G3BP1: variants seen among roughly 807,000 people sequenced by gnomAD.
G3BP1 encodes G3BP stress granule assembly factor 1.
Under a neutral mutation model 58.6 loss-of-function variants are expected in G3BP1, and 35 were observed. The observed-to-expected ratio is 0.60, with a 90% confidence interval of 0.46 to 0.79. The LOEUF (loss-of-function observed/expected upper bound fraction) is 0.79, where lower values mean the gene tolerates loss of function less well. G3BP1 is among the 30% of genes least tolerant of loss of function. G3BP1 has a pLI of 0.00. For synonymous variants in G3BP1, 191 were observed against 195.4 expected (o/e 0.98, Z 0.19); for missense variants, 523 against 580.8 (o/e 0.90, Z 1.02).
chr5:151,782,145 CATTT>C (rs1413628698), intron 1 of G3BP1, among the ~76,000 whole-genome samples: 1 of 152,084 alleles, frequency 6.6e-6, no homozygotes, highest in African/African-American at 2.4e-5. Flanking sequence ...TAATAGCTAA[CATTT>C]ATTTCCTGCT....
At chr5:151,799,465 C>G (rs908751727) in intron 8 of G3BP1, 152 bp downstream of exon 8, 12 of 617,592 alleles carry the variant, frequency 1.9e-5, no homozygotes, top group Non-Finnish European at 3.2e-5. Context: ...GCCAGCTGAT[C>G]ACTGGAGCCT....
intron 6 of G3BP1, among the ~76,000 whole-genome samples, chr5:151,796,518 T>C (rs544437510): frequency 2.0e-5 from 3 of 152,346 alleles, no homozygotes; most frequent in Non-Finnish European, 4.4e-5. Context: ...TCTGCCCACC[T>C]TGGCCTCGCA....
rs761626813 is a variant in G3BP1 at position 151,800,845 on chromosome 5, T to C, written c.1170T>C (p.Pro390=). The C allele has an allele frequency of 1.4e-5, 22 of 1,600,244 alleles. No individual in the cohort carries two copies. In the African/African-American group the frequency reaches 2.9e-4, roughly 21 times the overall value. The part of the protein sequence containing the change: ...FGFVVFDDSE[P]VQKVLSNRPI... ...TTGTTGTGTTTGATGATTCTGAGCC[T>C]GTTCAGAAAGTCCTTAGCAACAGGG... Residue 390 remains proline, a synonymous_variant, in exon 11 of 12, where the codon CCT becomes CCC. Transcript: ENST00000356245.
chr5:151,777,323 A>C (rs188544691), intron 1 of G3BP1, among the ~76,000 whole-genome samples: 2 of 152,378 alleles, frequency 1.3e-5, no homozygotes, highest in Admixed American at 1.3e-4. Flanking sequence ...AGTACACACA[A>C]ACACTTGCTG....
Position 151,801,822 on chromosome 5 carries a change from T to A in G3BP1, c.1194+953T>A, listed in dbSNP as rs547215176. On this transcript the variant is annotated intron_variant, in intron 11 of 11. Transcript: ENST00000356245. ...CTGCAAAGTTTTTTATTTTTTTATT[T>A]TTTTTTTTTTGAGACAGTGTCTCTC... Among the ~76,000 whole-genome samples, 208 of 151,784 alleles carry A rather than the reference T, an allele frequency of 1.4e-3. 2 individuals carry two copies. The highest frequency in any genetic ancestry group is 4.8e-3 in the African/African-American group (200 of 41,490).
chr5:151,773,145 T>G (rs1287683921), intron 1 of G3BP1, among the ~76,000 whole-genome samples: 1 of 152,062 alleles, frequency 6.6e-6, no homozygotes, highest in Non-Finnish European at 1.5e-5. Flanking sequence ...GCTCCGGTTT[T>G]AGACGTTGAA....
intron 1 of G3BP1, among the ~76,000 whole-genome samples, chr5:151,785,968 T>C (rs947761221): frequency 1.1e-4 from 16 of 152,246 alleles, no homozygotes; most frequent in Non-Finnish European, 2.1e-4. Flanking sequence ...CTTGTAACTT[T>C]ACAACTGGAA....
At chr5:151,783,983 G>A (rs181380008) in intron 1 of G3BP1, among the ~76,000 whole-genome samples, 5 of 152,252 alleles carry the variant, frequency 3.3e-5, no homozygotes, top group African/African-American at 1.2e-4. Context: ...GGATGGTCTC[G>A]ATCTCTTGAT....
chr5:151,785,416 G>A (rs1389638171), intron 1 of G3BP1, among the ~76,000 whole-genome samples: 3 of 152,106 alleles, frequency 2.0e-5, no homozygotes, highest in Admixed American at 6.5e-5. Flanking sequence ...ATCAACCAGA[G>A]TCAATCTATT....
chr5:151,792,309 T>C (rs1762673249), intron 4 of G3BP1: 1 of 228,422 alleles, frequency 4.4e-6, no homozygotes, highest in African/African-American at 2.3e-5. Flanking sequence ...CTTTTTAGGA[T>C]AGCAAACCTG....
chr5:151,799,610 C>T (rs746981128), intron 8 of G3BP1, among the ~76,000 whole-genome samples: 4 of 151,402 alleles, frequency 2.6e-5, no homozygotes, highest in African/African-American at 7.3e-5. Context: ...GCTTGAGTCC[C>T]GGAGGTTGAG....
intron 1 of G3BP1, among the ~76,000 whole-genome samples, chr5:151,780,931 T>G (rs1762459912): frequency 6.6e-6 from 1 of 152,142 alleles, no homozygotes; most frequent in Admixed American, 6.6e-5. Flanking sequence ...AGTGGAAAAT[T>G]TGAAAGTTAA....
chr5:151,785,738 C>A (rs1177435540), intron 1 of G3BP1, among the ~76,000 whole-genome samples: 1 of 152,122 alleles, frequency 6.6e-6, no homozygotes. Flanking sequence ...TGTTTGTTAA[C>A]TTCCCCATTT....
In G3BP1 at chr5:151,809,018, A is replaced by G. The variant is rs2113261575; in HGVS notation, c.*4927A>G. 1 of 152,250 alleles carries G rather than the reference A, an allele frequency of 6.6e-6. No homozygotes were observed. The highest frequency in any genetic ancestry group is 1.9e-4 in the East Asian group (1 of 5,178). The allele number at this position is 152,250 out of a possible 1,614,324, so 9.4% of individuals were successfully genotyped here. A position where few individuals can be genotyped will look rare whatever the true frequency, so the allele number is the denominator to read the frequency against. On this transcript the variant is annotated 3_prime_UTR_variant, in exon 12 of 12. Coordinates refer to ENST00000356245, the MANE Select transcript of G3BP1 (RefSeq NM_005754.3). Reference sequence around the variant, plus strand: ...ATAGCAAGACCCTGTCTCTACAGATAATTGAAAAGTGAGCCAGATGTGGTG... The same window carrying G: ...ATAGCAAGACCCTGTCTCTACAGATGATTGAAAAGTGAGCCAGATGTGGTG...
At position 151,804,132 on chromosome 5, in the gene G3BP1, C is replaced by T. The variant is rs751711130; in HGVS notation, c.*41C>T. 8 of 1,412,220 alleles carry T rather than the reference C, an allele frequency of 5.7e-6. No homozygotes were observed. In the South Asian group the frequency reaches 1.0e-4, roughly 18 times the overall value. The allele number at this position is 1,412,220 out of a possible 1,614,324, so 87.5% of individuals were successfully genotyped here. On this transcript the variant is annotated 3_prime_UTR_variant, in exon 12 of 12. Coordinates refer to ENST00000356245, the MANE Select transcript of G3BP1 (RefSeq NM_005754.3). Reference sequence around the variant, plus strand: ...CATGCAGCCATACAAACCCTGGTTCCAACAGAATGGTGAATTTTCGACAGC... The same window carrying T: ...CATGCAGCCATACAAACCCTGGTTCTAACAGAATGGTGAATTTTCGACAGC...
intron 1 of G3BP1, among the ~76,000 whole-genome samples, chr5:151,784,827 G>A (rs1762532097): frequency 6.6e-6 from 1 of 151,998 alleles, no homozygotes; most frequent in African/African-American, 2.4e-5. Flanking sequence ...TACATTAAAG[G>A]AGTGACTTTA....
In G3BP1 at chr5:151,807,927, A is replaced by G. The variant is rs1438774112; in HGVS notation, c.*3836A>G. Reference sequence around the variant, plus strand: ...GTTTTCTTTTTGTGCTACTTAAAGGAATCTTTGCAATGCTGCATATAGATA... The same window carrying G: ...GTTTTCTTTTTGTGCTACTTAAAGGGATCTTTGCAATGCTGCATATAGATA... On this transcript the variant is annotated 3_prime_UTR_variant, in exon 12 of 12. Transcript: ENST00000356245. The G allele has an allele frequency of 6.6e-6, 1 of 152,214 alleles. No individual in the cohort carries two copies. The highest frequency in any genetic ancestry group is 1.5e-5 in the Non-Finnish European group (1 of 68,032). The allele number at this position is 152,214 out of a possible 1,614,324, so 9.4% of individuals were successfully genotyped here. A position where few individuals can be genotyped will look rare whatever the true frequency, so the allele number is the denominator to read the frequency against.
intron 1 of G3BP1, among the ~76,000 whole-genome samples, chr5:151,774,887 C>T (rs1762340419): frequency 6.6e-6 from 1 of 152,080 alleles, no homozygotes; most frequent in East Asian, 1.9e-4. Context: ...AATGTGGTGG[C>T]ACACTAGGTT....
chr5:151,797,567 A>T, intron 7 of G3BP1, 139 bp downstream of exon 7: 2 of 898,564 alleles, frequency 2.2e-6, no homozygotes, highest in South Asian at 3.7e-5. Context: ...TTTCTTAGAT[A>T]TTGAGCCATA....
Sources: gnomAD v4.1 joint callset for allele counts (sites outside exome capture counted in the v4.1 genomes callset) on GRCh38, gnomAD v4.1.1 for gene constraint, MANE v1.5 for transcripts, NCBI Gene and HGNC (gene_info 2026-07-23, HGNC 2026-07-21) for gene names.